The following PTPRT variants were observed in gnomAD, a reference collection of about 807,000 sequenced individuals.
PTPRT encodes protein tyrosine phosphatase receptor type T, also known as receptor-type tyrosine-protein phosphatase T.
A neutral mutation model predicts 176.8 loss-of-function variants in PTPRT; 56 were observed. The ratio of observed to expected loss-of-function variants is 0.32; its 90% CI spans 0.26 to 0.40. The LOEUF is 0.40. Among genes scored for constraint, PTPRT ranks in the 10% least tolerant of loss-of-function variants. The pLI is 1.00. For synonymous variants in PTPRT, 783 were observed against 739.0 expected (o/e 1.06, Z -0.96); for missense variants, 1,540 against 1,908.2 (o/e 0.81, Z 3.60).
chr20:42,626,598 C>T (rs1039325740), intron 7 of PTPRT, among the ~76,000 whole-genome samples: 3 of 152,220 alleles, frequency 2.0e-5, no homozygotes, highest in Non-Finnish European at 4.4e-5. Flanking sequence ...CCTGCCTTGA[C>T]CAGCCCCAGC....
chr20:42,723,897 A>G (rs890765312), intron 6 of PTPRT, among the ~76,000 whole-genome samples: 2 of 152,176 alleles, frequency 1.3e-5, no homozygotes, highest in Non-Finnish European at 2.9e-5. Context: ...CTGGAGTGGG[A>G]TTATCACTGG....
chr20:42,154,312 C>A (rs938008546), intron 17 of PTPRT, among the ~76,000 whole-genome samples: 1 of 152,142 alleles, frequency 6.6e-6, no homozygotes, highest in Non-Finnish European at 1.5e-5. Flanking sequence ...GCTCAGGGGG[C>A]TCTGAGCAGA....
At chr20:42,089,829 A>G (rs1984419027) in intron 27 of PTPRT, among the ~76,000 whole-genome samples, 1 of 152,148 alleles carries the variant, frequency 6.6e-6, no homozygotes, top group Non-Finnish European at 1.5e-5. Flanking sequence ...GAAAGAAAGC[A>G]GGGGGGCCAT....
rs6093590 is a variant in PTPRT, at chr20:42,194,001, C to T, written c.2491+5239G>A. On this transcript the variant is annotated intron_variant, in intron 16 of 30. Coordinates refer to ENST00000373187, the MANE Select transcript of PTPRT (RefSeq NM_007050.6). ...CTCTGCAATATATGTATGATTTGGG[C>T]CATGAAAGCTCTCTGAACCTCAGTT... Among the ~76,000 whole-genome samples, 160 of 152,196 alleles carry T rather than the reference C, an allele frequency of 1.1e-3. 1 individual carries two copies. The highest frequency in any genetic ancestry group is 6.8e-3 in the Middle Eastern group (2 of 294).
rs146860793 is a variant in PTPRT at position 42,076,205 on chromosome 20, G to A, written c.*4674C>T. On this transcript the variant is annotated 3_prime_UTR_variant, in exon 31 of 31. Transcript: ENST00000373187. ...GATTTCCTAATAGTGCCCCCTCCAA[G>A]GTGCTAGGTGCTGTAGGCACCCAGT... The A allele has an allele frequency of 2.9e-4, 59 of 205,816 alleles. 1 individual carries two copies. The highest frequency in any genetic ancestry group is 1.3e-3 in the Admixed American group (21 of 16,772). The allele number at this position is 205,816 out of a possible 1,614,324, so 12.7% of individuals were successfully genotyped here. A position where few individuals can be genotyped will look rare whatever the true frequency, so the allele number is the denominator to read the frequency against.
At chr20:43,060,697 A>G (rs1415112450) in intron 1 of PTPRT, among the ~76,000 whole-genome samples, 1 of 152,238 alleles carries the variant, frequency 6.6e-6, no homozygotes, top group East Asian at 1.9e-4. Context: ...ATTTAGCACT[A>G]AACAAGGACC....
intron 13 of PTPRT, among the ~76,000 whole-genome samples, chr20:42,272,053 T>C (rs1407273242): frequency 6.6e-6 from 1 of 152,228 alleles, no homozygotes; most frequent in African/African-American, 2.4e-5. Flanking sequence ...CAGCAAACTA[T>C]GACTTGTAGG....
At chr20:42,761,337 G>A (rs1443203308) in intron 5 of PTPRT, among the ~76,000 whole-genome samples, 1 of 152,034 alleles carries the variant, frequency 6.6e-6, no homozygotes, top group Non-Finnish European at 1.5e-5. Context: ...GGGAGGCCGA[G>A]GAAGGAGAAT....
chr20:42,594,938 T>C (rs1336654256), intron 7 of PTPRT, among the ~76,000 whole-genome samples: 1 of 152,140 alleles, frequency 6.6e-6, no homozygotes, highest in Non-Finnish European at 1.5e-5. Flanking sequence ...TGTTTATAAA[T>C]GTTAGATCTC....
At chr20:42,159,674 T>C (rs2146495730) in intron 17 of PTPRT, among the ~76,000 whole-genome samples, 1 of 152,220 alleles carries the variant, frequency 6.6e-6, no homozygotes, top group South Asian at 2.1e-4. Context: ...GCTATTTTAC[T>C]TAGACCGTTT....
chr20:42,297,378 T>G (rs762807586), intron 12 of PTPRT, among the ~76,000 whole-genome samples: 2 of 152,096 alleles, frequency 1.3e-5, no homozygotes, highest in Non-Finnish European at 2.9e-5. Context: ...ACAGCACCCA[T>G]GAAAGATAAT....
At chr20:43,045,486 C>A (rs1452008524) in intron 1 of PTPRT, among the ~76,000 whole-genome samples, 1 of 140,280 alleles carries the variant, frequency 7.1e-6, no homozygotes, top group African/African-American at 2.9e-5. Context: ...CACAGTCTCG[C>A]TCTGTCACCT....
At chr20:42,737,948 A>C (rs1048026609) in intron 6 of PTPRT, among the ~76,000 whole-genome samples, 11 of 152,202 alleles carry the variant, frequency 7.2e-5, no homozygotes, top group Admixed American at 7.2e-4. Flanking sequence ...AGCTGGTGTT[A>C]GCCCGAGGGG....
At chr20:42,610,286 C>T (rs546402794) in intron 7 of PTPRT, among the ~76,000 whole-genome samples, 25 of 152,246 alleles carry the variant, frequency 1.6e-4, no homozygotes, top group African/African-American at 6.0e-4. Flanking sequence ...CTTGTGAGCA[C>T]TTTTGGCTTA....
At chr20:42,224,561 C>T (rs979089184) in intron 15 of PTPRT, among the ~76,000 whole-genome samples, 2 of 152,228 alleles carry the variant, frequency 1.3e-5, no homozygotes, top group South Asian at 2.1e-4. Context: ...TAATGCTTCA[C>T]GATGCTCTTT....
chr20:42,436,317 C>G (rs1425422358), intron 9 of PTPRT, among the ~76,000 whole-genome samples: 1 of 152,054 alleles, frequency 6.6e-6, no homozygotes, highest in East Asian at 1.9e-4. Flanking sequence ...ACATTTGTAA[C>G]TGGCAAAATA....
intron 15 of PTPRT, among the ~76,000 whole-genome samples, chr20:42,213,359 T>C (rs745385334): frequency 8.2e-6 from 1 of 121,406 alleles, no homozygotes; most frequent in Non-Finnish European, 1.9e-5. Flanking sequence ...CTCATTGAGT[T>C]GCCGTGAACA....
At chr20:42,341,406 C>G (rs1378178065) in intron 11 of PTPRT, among the ~76,000 whole-genome samples, 1 of 152,040 alleles carries the variant, frequency 6.6e-6, no homozygotes, top group Admixed American at 6.6e-5. Context: ...CTTGAAGCTC[C>G]TGGAGAAGAT....
At chr20:43,098,913 A>T (rs1381035573) in intron 1 of PTPRT, among the ~76,000 whole-genome samples, 1 of 152,102 alleles carries the variant, frequency 6.6e-6, no homozygotes, top group East Asian at 1.9e-4. Flanking sequence ...GCCCTCAATC[A>T]TTCTGACAGG....
Sources: gnomAD v4.1 joint callset for allele counts (sites outside exome capture counted in the v4.1 genomes callset) on GRCh38, gnomAD v4.1.1 for gene constraint, MANE v1.5 for transcripts, NCBI Gene and HGNC (gene_info 2026-07-23, HGNC 2026-07-21) for gene names.